Variants in ZCCHC7 observed in about 807,000 individuals in gnomAD.
ZCCHC7 encodes the protein zinc finger CCHC domain-containing protein 7.
A neutral mutation model predicts 52.0 loss-of-function variants in ZCCHC7; 35 were observed. That is an observed-to-expected ratio of 0.67 (90% CI 0.51 to 0.89). ZCCHC7 has a LOEUF of 0.89. Ranked by LOEUF, ZCCHC7 falls within the 40% of genes least tolerant of loss-of-function variation. The pLI is 0.00. For missense variants in ZCCHC7, 574 were observed against 649.1 expected (o/e 0.88, Z 1.26); for synonymous variants, 217 against 221.5 (o/e 0.98, Z 0.18).
chr9:37,291,568 G>A (rs904379666), intron 2 of ZCCHC7, among the ~76,000 whole-genome samples: 4 of 152,156 alleles, frequency 2.6e-5, no homozygotes, highest in African/African-American at 4.8e-5. Flanking sequence ...ATGCAGGGGC[G>A]ATTAGAAGGA....
chr9:37,343,644 T>C (rs1422885957), intron 6 of ZCCHC7, among the ~76,000 whole-genome samples: 1 of 152,242 alleles, frequency 6.6e-6, no homozygotes, highest in Admixed American at 6.5e-5. Context: ...ACTCAATTAG[T>C]AGCAGAGATT....
At chr9:37,285,224 T>C (rs1340896561) in intron 2 of ZCCHC7, among the ~76,000 whole-genome samples, 2 of 152,168 alleles carry the variant, frequency 1.3e-5, no homozygotes, top group African/African-American at 4.8e-5. Flanking sequence ...TTAGAGATGA[T>C]GTAGGGCTAT....
intron 2 of ZCCHC7, among the ~76,000 whole-genome samples, chr9:37,165,925 A>T (rs1313132345): frequency 6.6e-6 from 1 of 152,228 alleles, no homozygotes; most frequent in Non-Finnish European, 1.5e-5. Flanking sequence ...ACCTTTAGGA[A>T]TGTTATGCAG....
chr9:37,217,590 G>GA (rs568328057), intron 2 of ZCCHC7, among the ~76,000 whole-genome samples: 2 of 151,788 alleles, frequency 1.3e-5, no homozygotes, highest in East Asian at 3.9e-4. Flanking sequence ...TCCTTCAGCT[G>GA]AAAAAAAATC....
chr9:37,127,187 G>T (rs1267849276), intron 2 of ZCCHC7, among the ~76,000 whole-genome samples: 3 of 152,172 alleles, frequency 2.0e-5, no homozygotes, highest in Non-Finnish European at 4.4e-5. Context: ...ATTCATAGCT[G>T]CTTCTTCCTG....
At chr9:37,238,139 CTCT>C (rs1271195342) in intron 2 of ZCCHC7, among the ~76,000 whole-genome samples, 3 of 152,118 alleles carry the variant, frequency 2.0e-5, no homozygotes, top group African/African-American at 4.8e-5. Flanking sequence ...GAGTTTAGCA[CTCT>C]TGAAGAAAGG....
At chr9:37,351,083 C>T (rs79553705) in intron 7 of ZCCHC7, among the ~76,000 whole-genome samples, 13,290 of 151,400 alleles carry the variant, frequency 0.088, 774 homozygotes, top group Middle Eastern at 0.16. Flanking sequence ...TGTAGGGCAA[C>T]GAAGAAAAGT....
chr9:37,151,126 G>A (rs1401571086), intron 2 of ZCCHC7, among the ~76,000 whole-genome samples: 2 of 151,774 alleles, frequency 1.3e-5, no homozygotes, highest in African/African-American at 2.4e-5. Context: ...CACCACGCCC[G>A]GCTAATTTTT....
rs556178341 is a variant in ZCCHC7 at position 37,263,259 on chromosome 9, A to T, written c.611-38929A>T. Among the ~76,000 whole-genome samples, 5 of 152,192 alleles carry T rather than the reference A, an allele frequency of 3.3e-5. No individual in the cohort carries two copies. In the South Asian group the frequency reaches 1.0e-3, roughly 32 times the overall value. ...TTTAATACCAGAATTTTAGAATCTT[A>T]CTTTCTTGTTGAAAGTAGCAGTTTA... On this transcript the variant is annotated intron_variant, in intron 2 of 8. Transcript: ENST00000336755.
chr9:37,126,919 G>T lies in ZCCHC7; in HGVS notation c.587G>T (p.Gly196Val), dbSNP rs141573673. 4 of 1,613,720 alleles carry T rather than the reference G, an allele frequency of 2.5e-6. No individual in the cohort carries two copies. Among genetic ancestry groups the T allele is most frequent in the Non-Finnish European group, 1.7e-6 (2 of 1,179,934 alleles). The change falls in exon 2 of 9, where the codon GGA (glycine) becomes GTA (valine). Residue 196 changes from glycine to valine, a missense_variant. This residue lies in a region of ZCCHC7 where 403 missense variants were observed against 461.2 expected (regional missense o/e 0.87). Coordinates refer to ENST00000336755, the MANE Select transcript of ZCCHC7 (RefSeq NM_032226.3). ...GATGATATCCTTCTCAACCTTGTGGGATGTGAAAACTCTGTTACTGAAGGT... is the reference window on the plus strand; with the variant it reads ...GATGATATCCTTCTCAACCTTGTGGTATGTGAAAACTCTGTTACTGAAGGT... Reference protein sequence around the residue: ...KDDDILLNLVGCENSVTEGED... With the variant: ...KDDDILLNLVVCENSVTEGED...
At chr9:37,236,358 A>G (rs1443613195) in intron 2 of ZCCHC7, among the ~76,000 whole-genome samples, 3 of 151,978 alleles carry the variant, frequency 2.0e-5, no homozygotes, top group African/African-American at 2.4e-5. Flanking sequence ...TATTTTAACC[A>G]AGGCTCACAG....
intron 2 of ZCCHC7, among the ~76,000 whole-genome samples, chr9:37,145,954 A>G (rs767558403): frequency 3.3e-5 from 5 of 151,952 alleles, no homozygotes; most frequent in African/African-American, 4.8e-5. Flanking sequence ...AAGTGTGTAG[A>G]ACACACATTT....
At chr9:37,269,003 T>C (rs1827255164) in intron 2 of ZCCHC7, among the ~76,000 whole-genome samples, 1 of 152,226 alleles carries the variant, frequency 6.6e-6, no homozygotes. Flanking sequence ...ACGTTTAAGC[T>C]GAAATCCAAA....
intron 5 of ZCCHC7, among the ~76,000 whole-genome samples, chr9:37,326,649 T>G: frequency 6.6e-6 from 1 of 151,812 alleles, no homozygotes; most frequent in African/African-American, 2.4e-5. Context: ...GTAGAGGTAT[T>G]GGCATTCAAA....
rs1038759264 is a variant in ZCCHC7 at position 37,258,560 on chromosome 9, C to G, written c.611-43628C>G. 2.6e-5 allele frequency among the ~76,000 whole-genome samples: 4 copies of G among 151,838 alleles called. No homozygotes were observed. The East Asian group carries it at 7.7e-4, about 29-fold the overall frequency. ...TTACTTCAGCCTAGGAGATCGAGAG[C>G]AACCTGGGCAACATGGTGGGACCCA... On this transcript the variant is annotated intron_variant, in intron 2 of 8. Coordinates refer to ENST00000336755, the MANE Select transcript of ZCCHC7 (RefSeq NM_032226.3).
rs569023112 is a variant in ZCCHC7 at position 37,270,148 on chromosome 9, A to G, written c.611-32040A>G. ...ATATTTTAGCTATATTGTGCTACATAAAATATATTATTAAAATTAATTTTA... is the reference window on the plus strand; with the variant it reads ...ATATTTTAGCTATATTGTGCTACATGAAATATATTATTAAAATTAATTTTA... On this transcript the variant is annotated intron_variant, in intron 2 of 8. Transcript: ENST00000336755. Among the ~76,000 whole-genome samples, 234 of 152,344 alleles carry G rather than the reference A, an allele frequency of 1.5e-3. 1 individual carries two copies. Among genetic ancestry groups the G allele is most frequent in the South Asian group, 4.1e-3 (20 of 4,828 alleles).
intron 2 of ZCCHC7, among the ~76,000 whole-genome samples, chr9:37,214,044 G>C (rs1363351876): frequency 6.6e-6 from 1 of 151,716 alleles, no homozygotes; most frequent in Non-Finnish European, 1.5e-5. Context: ...GAATTCATCA[G>C]ACAAGAAAAT....
rs909632701 is a variant in ZCCHC7, at chr9:37,235,938, A to G, written c.611-66250A>G. Among the ~76,000 whole-genome samples, 10 of 151,658 alleles carry G rather than the reference A, an allele frequency of 6.6e-5. No individual in the cohort carries two copies. The East Asian group carries it at 1.6e-3, about 24-fold the overall frequency. Reference sequence around the variant, plus strand: ...AGTATTCATTGTGTATCTATATCACATTTTCTTTGTCTGTTCCTCTGTTGG... The same window carrying G: ...AGTATTCATTGTGTATCTATATCACGTTTTCTTTGTCTGTTCCTCTGTTGG... On this transcript the variant is annotated intron_variant, in intron 2 of 8. Coordinates refer to ENST00000336755, the MANE Select transcript of ZCCHC7 (RefSeq NM_032226.3).
chr9:37,188,153 TA>T (rs1372508675), intron 2 of ZCCHC7, among the ~76,000 whole-genome samples: 4 of 152,096 alleles, frequency 2.6e-5, no homozygotes, highest in South Asian at 2.1e-4. Flanking sequence ...TTTTTATTTT[TA>T]TTTTTTTGTT....
Sources: allele counts gnomAD v4.1 joint callset (sites outside exome capture counted in the v4.1 genomes callset), GRCh38; gene constraint gnomAD v4.1.1; regional missense constraint gnomAD v4.1.1; transcripts MANE v1.5; gene names NCBI Gene and HGNC (gene_info 2026-07-23, HGNC 2026-07-21).